CPNE3: variants seen among roughly 807,000 people sequenced by gnomAD.
CPNE3 encodes copine 3.
CPNE3 carries 68 observed loss-of-function variants against 63.9 expected under a neutral mutation model. That is an observed-to-expected ratio of 1.06 (90% CI 0.87 to 1.30). The LOEUF (loss-of-function observed/expected upper bound fraction) is 1.30. CPNE3 is among the 50% of genes most tolerant of loss of function. CPNE3 has a pLI of 0.00. For missense variants in CPNE3, 665 were observed against 578.1 expected (o/e 1.15, Z -1.54); for synonymous variants, 219 against 197.5 (o/e 1.11, Z -0.91).
chr8:86,534,628 C>T (rs964134041), intron 6 of CPNE3, among the ~76,000 whole-genome samples: 2 of 152,126 alleles, frequency 1.3e-5, no homozygotes, highest in African/African-American at 4.8e-5. Context: ...TGCATTCCAG[C>T]TTGGCGAGAG....
chr8:86,547,617 C>A (rs948970311), intron 10 of CPNE3, 94 bp from the exon 11 acceptor site: 2 of 699,702 alleles, frequency 2.9e-6, no homozygotes, highest in East Asian at 5.4e-5. Flanking sequence ...ATGTCCTGTT[C>A]AATTTACAGA....
intron 4 of CPNE3, among the ~76,000 whole-genome samples, chr8:86,529,346 G>C (rs1820618125): frequency 6.6e-6 from 1 of 152,148 alleles, no homozygotes; most frequent in Non-Finnish European, 1.5e-5. Context: ...TAATTCTTTT[G>C]AGTAAGGGAT....
intron 7 of CPNE3, 140 bp from the exon 8 acceptor site, chr8:86,540,105 T>G: frequency 1.6e-6 from 1 of 614,618 alleles, no homozygotes. Context: ...TTCTAGGTAG[T>G]TTTTTTGTGG....
rs550293921 is a variant in CPNE3 at position 86,543,991 on chromosome 8, A to G, written c.634-749A>G. On this transcript the variant is annotated intron_variant, in intron 8 of 16. Transcript: ENST00000517490. Reference sequence around the variant, plus strand: ...CTGTCTGTCAACCTGTCACGAAATTACATGCATCTCAAATACTCTCACCTC... The same window carrying G: ...CTGTCTGTCAACCTGTCACGAAATTGCATGCATCTCAAATACTCTCACCTC... Among the ~76,000 whole-genome samples, 10 of 152,208 alleles carry G rather than the reference A, an allele frequency of 6.6e-5. No individual in the cohort carries two copies. In the South Asian group the frequency reaches 2.1e-3, roughly 32 times the overall value.
intron 2 of CPNE3, among the ~76,000 whole-genome samples, chr8:86,524,125 G>C (rs1820490655): frequency 6.6e-6 from 1 of 152,234 alleles, no homozygotes. Flanking sequence ...GTGACTCTGG[G>C]TATGGGAAAG....
At chr8:86,520,423 G>A (rs893130093) in intron 2 of CPNE3, among the ~76,000 whole-genome samples, 25 of 145,158 alleles carry the variant, frequency 1.7e-4, no homozygotes, top group African/African-American at 6.1e-4. Flanking sequence ...GGGCGTGATG[G>A]CAGCGCCTGT....
chr8:86,532,515 G>A lies in CPNE3; in HGVS notation c.394G>A (p.Ala132Thr). The A allele has an allele frequency of 1.9e-6, 3 of 1,611,058 alleles. No homozygotes were observed. The highest frequency in any genetic ancestry group is 2.5e-6 in the Non-Finnish European group (3 of 1,178,752). The change falls in exon 6 of 17, where the codon GCT becomes ACT. Residue 132 changes from alanine (A) to threonine (T), a missense_variant. Coordinates refer to ENST00000517490, the MANE Select transcript of CPNE3 (RefSeq NM_003909.5). ...PAGKGSITIS[A>T]EEIKDNRVVL... ...TTACCTGATCTACTCATAGATTTCAGCTGAAGAAATAAAAGATAATAGAGT... is the reference window on the plus strand; with the variant it reads ...TTACCTGATCTACTCATAGATTTCAACTGAAGAAATAAAAGATAATAGAGT...
intron 2 of CPNE3, among the ~76,000 whole-genome samples, chr8:86,521,993 C>G (rs934443186): frequency 6.6e-6 from 1 of 152,050 alleles, no homozygotes; most frequent in Non-Finnish European, 1.5e-5. Context: ...CAAAATCTGT[C>G]CAGTTGTATG....
intron 8 of CPNE3, among the ~76,000 whole-genome samples, chr8:86,542,200 CT>C (rs1820955974): frequency 6.6e-6 from 1 of 152,170 alleles, no homozygotes; most frequent in Admixed American, 6.6e-5. Context: ...TCATTTAGTT[CT>C]GCATTTCTTT....
Position 86,545,767 on chromosome 8 carries a change from T to G in CPNE3, c.733-828T>G, listed in dbSNP as rs544372481. 5.9e-5 allele frequency among the ~76,000 whole-genome samples: 9 copies of G among 152,356 alleles called. 1 individual carries two copies. Among genetic ancestry groups the G allele is most frequent in the Admixed American group, 5.9e-4 (9 of 15,300 alleles). On this transcript the variant is annotated intron_variant, in intron 9 of 16. Transcript: ENST00000517490. ...GGTGACTTATCAAGCATTTATTGAA[T>G]ATCTCTTATATTATTATTAGGCAAG...
At chr8:86,554,140 G>C (rs972212503) in intron 14 of CPNE3, 1 of 152,214 alleles carries the variant, frequency 6.6e-6, no homozygotes, top group African/African-American at 2.4e-5. Flanking sequence ...GAAAAAACAG[G>C]CAGTAGTTCT....
intron 10 of CPNE3, 24 bp downstream of exon 10, chr8:86,546,705 TTTTA>T: frequency 4.4e-6 from 7 of 1,575,458 alleles, no homozygotes; most frequent in South Asian, 3.6e-5. Context: ...GGCTACTTAT[TTTTA>T]TTTATTTATT....
chr8:86,543,992 C>T (rs1820997620), intron 8 of CPNE3, among the ~76,000 whole-genome samples: 1 of 152,058 alleles, frequency 6.6e-6, no homozygotes, highest in South Asian at 2.1e-4. Flanking sequence ...CACGAAATTA[C>T]ATGCATCTCA....
At position 86,558,646 on chromosome 8, in the gene CPNE3, C is replaced by T; in HGVS notation, c.*236C>T. On this transcript the variant is annotated 3_prime_UTR_variant, in exon 17 of 17. Coordinates refer to ENST00000517490, the MANE Select transcript of CPNE3 (RefSeq NM_003909.5). ...GCAATTTACATTAATTGCAGTAAAG[C>T]TCTTTGGATTAGAAATTAGTGTGGG... 1 of 414,124 alleles carries T rather than the reference C, an allele frequency of 2.4e-6. No homozygotes were observed. The highest frequency in any genetic ancestry group is 4.4e-6 in the Non-Finnish European group (1 of 226,754). The allele number at this position is 414,124 out of a possible 1,614,324, so 25.7% of individuals were successfully genotyped here.
At chr8:86,550,161 T>C (rs1821142506) in intron 12 of CPNE3, among the ~76,000 whole-genome samples, 1 of 152,230 alleles carries the variant, frequency 6.6e-6, no homozygotes, top group African/African-American at 2.4e-5. Flanking sequence ...CATGCAGCTT[T>C]TTTGTGTTCA....
At chr8:86,516,422 A>G (rs1820312693) in intron 2 of CPNE3, among the ~76,000 whole-genome samples, 1 of 152,336 alleles carries the variant, frequency 6.6e-6, no homozygotes, top group Non-Finnish European at 1.5e-5. Context: ...AACCTATTAT[A>G]CATTTTAAAA....
At chr8:86,528,856 C>T in intron 3 of CPNE3, 89 bp from the exon 4 acceptor site, 1 of 1,329,410 alleles carries the variant, frequency 7.5e-7, no homozygotes, top group Non-Finnish European at 1.0e-6. Context: ...AGTTGTCATG[C>T]CTATGTTTAT....
chr8:86,528,338 A>T (rs144383291), intron 2 of CPNE3, among the ~76,000 whole-genome samples, 198 bp from the exon 3 acceptor site: 162 of 152,296 alleles, frequency 1.1e-3, no homozygotes, highest in African/African-American at 3.7e-3. Context: ...AGAGAATCTG[A>T]TGCAGGCAGT....
chr8:86,529,991 T>C (rs1820633961), intron 4 of CPNE3, among the ~76,000 whole-genome samples: 1 of 152,132 alleles, frequency 6.6e-6, no homozygotes, highest in Admixed American at 6.5e-5. Flanking sequence ...AGTATTTCTT[T>C]TTTTGGGGAA....
Sources: gnomAD v4.1 joint callset for allele counts (sites outside exome capture counted in the v4.1 genomes callset) on GRCh38, gnomAD v4.1.1 for gene constraint, MANE v1.5 for transcripts, NCBI Gene and HGNC (gene_info 2026-07-23, HGNC 2026-07-21) for gene names.